Variants in ABTB2 observed in about 807,000 individuals in gnomAD.
The protein encoded by ABTB2 is ankyrin repeat and BTB/POZ domain-containing protein 2.
Under a neutral mutation model 104.1 loss-of-function variants are expected in ABTB2, and 56 were observed. The ratio of observed to expected loss-of-function variants is 0.54; its 90% CI spans 0.43 to 0.67. The LOEUF is 0.67. Ranked by LOEUF, ABTB2 falls within the 30% of genes least tolerant of loss-of-function variation. The pLI, the probability that ABTB2 is intolerant of heterozygous loss-of-function variation, is 0.00. For missense variants in ABTB2, 1,279 were observed against 1,407.7 expected, an observed-to-expected ratio of 0.91 and a Z score of 1.46; for synonymous variants, 606 against 608.2, an observed-to-expected ratio of 1.00 and a Z score of 0.05.
rs186062075 is a variant in ABTB2 at position 34,185,523 on chromosome 11, C to T, written c.1244+11802G>A. 5.3e-5 allele frequency among the ~76,000 whole-genome samples: 8 copies of T among 152,210 alleles called. No individual in the cohort carries two copies. The East Asian group carries it at 1.5e-3, about 29-fold the overall frequency. The stretch of plus-strand genomic sequence containing the variant: ...GCATATGTTACCTCTGAAACAGTCA[C>T]CCTGCGAGGGAGATATACTTATTAG... On this transcript the variant is annotated intron_variant, in intron 3 of 16. Coordinates refer to ENST00000435224, the MANE Select transcript of ABTB2 (RefSeq NM_145804.3).
chr11:34,198,477 C>T, intron 2 of ABTB2, among the ~76,000 whole-genome samples: 1 of 151,700 alleles, frequency 6.6e-6, no homozygotes, highest in East Asian at 1.9e-4. Flanking sequence ...AAACTTGAGG[C>T]TTATCTGATA....
rs1855486931 is a variant in ABTB2 at position 34,357,864 on chromosome 11, CCCA to C, written c.-284_-282del. On this transcript the variant is annotated 5_prime_UTR_variant, in exon 1 of 17. Coordinates refer to ENST00000435224, the MANE Select transcript of ABTB2 (RefSeq NM_145804.3). Reference sequence around the variant, plus strand: ...CACTCCCCCTTGTCCACCTCTAATTCCCACAAGCAGAGAGTCAGTCCTCCACAG... The same window carrying C: ...CACTCCCCCTTGTCCACCTCTAATTCCAAGCAGAGAGTCAGTCCTCCACAG... 3 of 406,332 alleles carry C rather than the reference CCCA, an allele frequency of 7.4e-6. No homozygotes were observed. Among genetic ancestry groups the C allele is most frequent in the Non-Finnish European group, 1.3e-5 (3 of 227,236 alleles). The allele number at this position is 406,332 out of a possible 1,614,324, so 25.2% of individuals were successfully genotyped here. A position where few individuals can be genotyped will look rare whatever the true frequency, so the allele number is the denominator to read the frequency against.
chr11:34,153,245 G>A (rs1852573323), intron 16 of ABTB2, among the ~76,000 whole-genome samples: 2 of 152,320 alleles, frequency 1.3e-5, no homozygotes, highest in East Asian at 1.9e-4. Flanking sequence ...GGCAGAGTGA[G>A]GGGAGATGTG....
chr11:34,265,844 C>T lies in ABTB2; in HGVS notation c.884-61154G>A, dbSNP rs187790424. Among the ~76,000 whole-genome samples, 611 of 151,698 alleles carry T rather than the reference C, an allele frequency of 4.0e-3. 3 individuals carry two copies. Among genetic ancestry groups the T allele is most frequent in the Non-Finnish European group, 5.1e-3 (349 of 67,952 alleles). On this transcript the variant is annotated intron_variant, in intron 1 of 16. Transcript: ENST00000435224. ...ATTAGCTGGGCATGGTGGCAGGTGC[C>T]TGTAACCCCAGCTACTCGGGAGGCT...
At chr11:34,280,103 C>A (rs1436725382) in intron 1 of ABTB2, among the ~76,000 whole-genome samples, 1 of 152,096 alleles carries the variant, frequency 6.6e-6, no homozygotes, top group African/African-American at 2.4e-5. Context: ...ACATTTGATC[C>A]TCACAAGGAC....
chr11:34,234,565 A>T (rs944479470), intron 1 of ABTB2, among the ~76,000 whole-genome samples: 1 of 152,202 alleles, frequency 6.6e-6, no homozygotes, highest in Non-Finnish European at 1.5e-5. Context: ...CTGTGCCTCA[A>T]AGTCCAGCAT....
chr11:34,297,770 A>AT (rs901344979), intron 1 of ABTB2, among the ~76,000 whole-genome samples: 1 of 66,748 alleles, frequency 1.5e-5, no homozygotes, highest in African/African-American at 1.3e-4. Context: ...CCATCTCAAA[A>AT]AAAAAAAAAA....
intron 2 of ABTB2, among the ~76,000 whole-genome samples, chr11:34,203,740 C>T (rs1448569925): frequency 7.2e-5 from 11 of 152,164 alleles, no homozygotes; most frequent in East Asian, 1.9e-4. Flanking sequence ...AGAGGCTTGC[C>T]GTTTATTGTT....
chr11:34,250,744 C>T (rs1854045878), intron 1 of ABTB2, among the ~76,000 whole-genome samples: 1 of 152,232 alleles, frequency 6.6e-6, no homozygotes, highest in Non-Finnish European at 1.5e-5. Context: ...AAACTTCTTT[C>T]TGCGGCTACA....
At chr11:34,278,436 A>C (rs1854410863) in intron 1 of ABTB2, among the ~76,000 whole-genome samples, 1 of 152,180 alleles carries the variant, frequency 6.6e-6, no homozygotes, top group African/African-American at 2.4e-5. Context: ...TGCATTTTCT[A>C]AATATATTTG....
At chr11:34,276,494 C>T (rs1273167373) in intron 1 of ABTB2, among the ~76,000 whole-genome samples, 1 of 152,110 alleles carries the variant, frequency 6.6e-6, no homozygotes, top group African/African-American at 2.4e-5. Context: ...AATATAGGGC[C>T]ACAGAATTCT....
intron 9 of ABTB2, among the ~76,000 whole-genome samples, chr11:34,164,377 TGTG>T (rs55861202): frequency 0.71 from 107,649 of 151,914 alleles, 41,081 homozygotes; most frequent in Non-Finnish European, 0.86. Context: ...TGGGAAGCAA[TGTG>T]GTCCTGAGTG....
intron 1 of ABTB2, among the ~76,000 whole-genome samples, chr11:34,346,352 C>A (rs539101627): frequency 6.6e-6 from 1 of 152,128 alleles, no homozygotes; most frequent in South Asian, 2.1e-4. Context: ...TATATGAAGT[C>A]ACCTCGGAGC....
chr11:34,224,967 T>C (rs1436325447), intron 1 of ABTB2, among the ~76,000 whole-genome samples: 1 of 152,216 alleles, frequency 6.6e-6, no homozygotes, highest in African/African-American at 2.4e-5. Context: ...AAGAACATGG[T>C]AGGTGCTTAA....
At chr11:34,271,934 T>C (rs1398565843) in intron 1 of ABTB2, among the ~76,000 whole-genome samples, 4 of 152,200 alleles carry the variant, frequency 2.6e-5, no homozygotes, top group African/African-American at 9.6e-5. Flanking sequence ...GTATGGCACC[T>C]AGCAGGGCTC....
chr11:34,165,838 T>C (rs1304716009), intron 7 of ABTB2, among the ~76,000 whole-genome samples: 2 of 152,226 alleles, frequency 1.3e-5, no homozygotes, highest in Admixed American at 1.3e-4. Context: ...ATTCACAGAA[T>C]GGGAAGAGGG....
At chr11:34,175,902 T>C (rs370350267) in intron 3 of ABTB2, among the ~76,000 whole-genome samples, 4 of 152,194 alleles carry the variant, frequency 2.6e-5, no homozygotes, top group African/African-American at 9.7e-5. Flanking sequence ...CACCCCTGCT[T>C]GTCTAGATCC....
intron 1 of ABTB2, among the ~76,000 whole-genome samples, chr11:34,350,652 C>T (rs1344783401): frequency 1.3e-5 from 2 of 152,204 alleles, no homozygotes; most frequent in Non-Finnish European, 2.9e-5. Flanking sequence ...TCACTGTGGT[C>T]GTGAACACTC....
intron 2 of ABTB2, among the ~76,000 whole-genome samples, chr11:34,203,680 AG>A: frequency 6.6e-6 from 1 of 152,286 alleles, no homozygotes; most frequent in Admixed American, 6.5e-5. Flanking sequence ...TCCTGTCTGT[AG>A]AGGGGGCAGA....
Sources: gnomAD v4.1 joint callset for allele counts (sites outside exome capture counted in the v4.1 genomes callset) on GRCh38, gnomAD v4.1.1 for gene constraint, MANE v1.5 for transcripts, NCBI Gene and HGNC (gene_info 2026-07-23, HGNC 2026-07-21) for gene names.